SRP9: variants seen among roughly 807,000 people sequenced by gnomAD.
SRP9 encodes the protein signal recognition particle 9 kDa protein.
Under a neutral mutation model 11.7 loss-of-function variants are expected in SRP9, and 2 were observed. That is an observed-to-expected ratio of 0.17 (90% CI 0.07 to 0.54). The LOEUF (loss-of-function observed/expected upper bound fraction) is 0.54, where lower values mean the gene tolerates loss of function less well. Ranked by LOEUF, SRP9 falls within the 20% of genes least tolerant of loss-of-function variation. The pLI, the probability that SRP9 is intolerant of heterozygous loss-of-function variation, is 0.94. For missense variants in SRP9, 54 were observed against 108.1 expected, an observed-to-expected ratio of 0.50 and a Z score of 2.22; for synonymous variants, 27 against 35.6, an observed-to-expected ratio of 0.76 and a Z score of 0.86.
rs1416846137 is a variant in SRP9, at chr1:225,789,878, A to C, written c.*519A>C. The C allele has an allele frequency of 6.6e-6, 1 of 152,626 alleles. No homozygotes were observed. The highest frequency in any genetic ancestry group is 2.4e-5 in the African/African-American group (1 of 41,472). The allele number at this position is 152,626 out of a possible 1,614,324, so 9.5% of individuals were successfully genotyped here. A position where few individuals can be genotyped will look rare whatever the true frequency, so the allele number is the denominator to read the frequency against. Reference sequence around the variant, plus strand: ...TGTACCTAATTATGTATAGCAGTGTAGTCTCAATTATATCTGAAAGTAATT... The same window carrying C: ...TGTACCTAATTATGTATAGCAGTGTCGTCTCAATTATATCTGAAAGTAATT... On this transcript the variant is annotated 3_prime_UTR_variant, in exon 3 of 3. Transcript: ENST00000304786.
intron 1 of SRP9, among the ~76,000 whole-genome samples, chr1:225,780,197 TTTTTTTTA>T (rs1266805286): frequency 3.1e-5 from 4 of 127,754 alleles, no homozygotes; most frequent in Non-Finnish European, 5.2e-5. Context: ...TTTTTTTTTT[TTTTTTTTA>T]AAGACGGGGC....
At chr1:225,784,391 C>T (rs1282078318) in intron 2 of SRP9, among the ~76,000 whole-genome samples, 3 of 149,392 alleles carry the variant, frequency 2.0e-5, no homozygotes, top group Non-Finnish European at 4.5e-5. Context: ...GGACTACAGG[C>T]ACCCACCACC....
intron 1 of SRP9, among the ~76,000 whole-genome samples, chr1:225,780,010 G>T (rs1486346766): frequency 2.0e-5 from 3 of 152,130 alleles, no homozygotes; most frequent in Admixed American, 2.0e-4. Context: ...GAATAGACAA[G>T]AAAGAGAATA....
chr1:225,781,399 T>C (rs1478992867), intron 1 of SRP9, among the ~76,000 whole-genome samples: 13 of 138,934 alleles, frequency 9.4e-5, no homozygotes, highest in Admixed American at 2.2e-4. Flanking sequence ...CTTTTTCTTT[T>C]TTTTTTTTTT....
At chr1:225,785,538 G>A (rs1308846621) in intron 2 of SRP9, among the ~76,000 whole-genome samples, 4 of 151,638 alleles carry the variant, frequency 2.6e-5, no homozygotes, top group Non-Finnish European at 5.9e-5. Flanking sequence ...CCGCCACCAC[G>A]CCTGGCTAAT....
chr1:225,783,520 CT>C, intron 2 of SRP9, 152 bp downstream of exon 2: 2 of 623,112 alleles, frequency 3.2e-6, no homozygotes, highest in East Asian at 5.5e-5. Flanking sequence ...CTAGCAGCTA[CT>C]TTTATAGACC....
chr1:225,779,056 T>C (rs1665743276), intron 1 of SRP9, among the ~76,000 whole-genome samples: 2 of 152,158 alleles, frequency 1.3e-5, no homozygotes. Context: ...ATCCAGTGTA[T>C]TGTGACTGTA....
chr1:225,787,245 G>A (rs1665936602), intron 2 of SRP9, among the ~76,000 whole-genome samples: 1 of 152,102 alleles, frequency 6.6e-6, no homozygotes, highest in Admixed American at 6.5e-5. Context: ...CTTAAAAATA[G>A]GGGAATAGGC....
intron 1 of SRP9, among the ~76,000 whole-genome samples, chr1:225,782,527 C>T (rs1429682761): frequency 1.3e-5 from 2 of 152,146 alleles, no homozygotes; most frequent in Non-Finnish European, 2.9e-5. Context: ...TAGGGAAAAA[C>T]TGCGATACAC....
chr1:225,777,879 G>A lies in SRP9; in HGVS notation c.-62G>A, dbSNP rs533807544. On this transcript the variant is annotated 5_prime_UTR_variant, in exon 1 of 3. Transcript: ENST00000304786. ...CGTCGGTTGGCGACTCCCGGACGTA[G>A]GTAGTTTGTTGGGCCGGGTTCTGAG... 2 of 1,501,656 alleles carry A rather than the reference G, an allele frequency of 1.3e-6. No homozygotes were observed. Among genetic ancestry groups the A allele is most frequent in the African/African-American group, 1.4e-5 (1 of 72,514 alleles). 93.0% of individuals were successfully genotyped at this position (1,501,656 alleles called of 1,614,324 possible).
At chr1:225,787,533 C>CA (rs1195975308) in intron 2 of SRP9, among the ~76,000 whole-genome samples, 2 of 151,210 alleles carry the variant, frequency 1.3e-5, no homozygotes, top group South Asian at 2.1e-4. Context: ...GACTCGGTCT[C>CA]AAAAAAAATA....
At chr1:225,783,496 T>C in intron 2 of SRP9, 128 bp downstream of exon 2, 1 of 722,038 alleles carries the variant, frequency 1.4e-6, no homozygotes, top group Non-Finnish European at 2.3e-6. Context: ...CATTTAAAGA[T>C]GAAGAACCTC....
In SRP9 at chr1:225,784,527, G is replaced by T. The variant is rs139590685; in HGVS notation, c.141+1159G>T. On this transcript the variant is annotated intron_variant, in intron 2 of 2. Transcript: ENST00000304786. Reference sequence around the variant, plus strand: ...GCCTCCGAAAATGGTGGGATTACAGGCATGAACCACCCCACCCGGCCTATC... The same window carrying T: ...GCCTCCGAAAATGGTGGGATTACAGTCATGAACCACCCCACCCGGCCTATC... 2.0e-3 allele frequency among the ~76,000 whole-genome samples: 296 copies of T among 151,590 alleles called. 1 individual carries two copies. The East Asian group carries it at 0.038, about 19-fold the overall frequency.
intron 2 of SRP9, among the ~76,000 whole-genome samples, chr1:225,788,006 C>T (rs1665951378): frequency 6.6e-6 from 1 of 152,090 alleles, no homozygotes; most frequent in African/African-American, 2.4e-5. Flanking sequence ...CTCATGTGAA[C>T]CTTTAAGATG....
In SRP9 at chr1:225,790,136, C is replaced by T. The variant is rs2102654105; in HGVS notation, c.*777C>T. ...TTCCATCTGTAGTTTCTCAGAAGGG[C>T]TATGGATTAGTTTGAACTGTCAAAT... On this transcript the variant is annotated 3_prime_UTR_variant, in exon 3 of 3. Coordinates refer to ENST00000304786, the MANE Select transcript of SRP9 (RefSeq NM_003133.6). 1 of 152,280 alleles carries T rather than the reference C, an allele frequency of 6.6e-6. No homozygotes were observed. Among genetic ancestry groups the T allele is most frequent in the Admixed American group, 6.5e-5 (1 of 15,298 alleles). The allele number at this position is 152,280 out of a possible 1,614,324, so 9.4% of individuals were successfully genotyped here.
chr1:225,790,320 C>T lies in SRP9; in HGVS notation c.*961C>T, dbSNP rs904962972. The T allele has an allele frequency of 7.2e-5, 11 of 152,112 alleles. No homozygotes were observed. The highest frequency in any genetic ancestry group is 1.2e-4 in the Non-Finnish European group (8 of 68,036). 9.4% of individuals were successfully genotyped at this position (152,112 alleles called of 1,614,324 possible). A position where few individuals can be genotyped will look rare whatever the true frequency, so the allele number is the denominator to read the frequency against. On this transcript the variant is annotated 3_prime_UTR_variant, in exon 3 of 3. Transcript: ENST00000304786. ...CCACCTAAATGTAATGTTGATTCCT[C>T]AAGAATGAAATGAAGGCACTACATT...
At position 225,789,647 on chromosome 1, in the gene SRP9, T is replaced by A. The variant is rs1158010410; in HGVS notation, c.*288T>A. On this transcript the variant is annotated 3_prime_UTR_variant, in exon 3 of 3. Transcript: ENST00000304786. ...CATGTAATTGTTTCTCTGGCAAATT[T>A]GTATCAGTAATTTGAAAATGAGATA... The A allele has an allele frequency of 4.6e-6, 1 of 215,770 alleles. No individual in the cohort carries two copies. Among genetic ancestry groups the A allele is most frequent in the African/African-American group, 2.3e-5 (1 of 43,372 alleles). 13.4% of individuals were successfully genotyped at this position (215,770 alleles called of 1,614,324 possible).
At chr1:225,785,067 G>A (rs778038010) in intron 2 of SRP9, among the ~76,000 whole-genome samples, 4 of 151,860 alleles carry the variant, frequency 2.6e-5, no homozygotes, top group Non-Finnish European at 4.4e-5. Flanking sequence ...GGGCCACAGT[G>A]CACAGCCCAG....
chr1:225,779,475 G>A (rs556448222), intron 1 of SRP9, among the ~76,000 whole-genome samples: 2 of 152,288 alleles, frequency 1.3e-5, no homozygotes, highest in African/African-American at 4.8e-5. Flanking sequence ...TGAAACTATT[G>A]ATGATCATTA....
Sources: gnomAD v4.1 joint callset for allele counts (sites outside exome capture counted in the v4.1 genomes callset) on GRCh38, gnomAD v4.1.1 for gene constraint, MANE v1.5 for transcripts, NCBI Gene and HGNC (gene_info 2026-07-23, HGNC 2026-07-21) for gene names.